Variants in KIF26B observed in about 807,000 individuals in gnomAD.
KIF26B encodes the protein kinesin-like protein KIF26B.
Under a neutral mutation model 151.2 loss-of-function variants are expected in KIF26B, and 63 were observed. That is an observed-to-expected ratio of 0.42 (90% CI 0.34 to 0.51). KIF26B has a LOEUF of 0.51. Among genes scored for constraint, KIF26B ranks in the 20% least tolerant of loss-of-function variants. KIF26B has a pLI of 0.07. For missense variants in KIF26B, 2,813 were observed against 2,913.6 expected (o/e 0.97, Z 0.79); for synonymous variants, 1,357 against 1,262.1 (o/e 1.08, Z -1.59).
chr1:245,385,012 C>G (rs1317555787), intron 3 of KIF26B, among the ~76,000 whole-genome samples: 1 of 152,130 alleles, frequency 6.6e-6, no homozygotes, highest in Non-Finnish European at 1.5e-5. Context: ...ACCTAATCAT[C>G]TAGCTTGTAA....
intron 4 of KIF26B, among the ~76,000 whole-genome samples, chr1:245,432,110 C>T (rs1027703695): frequency 2.0e-5 from 3 of 151,956 alleles, no homozygotes; most frequent in Admixed American, 6.6e-5. Flanking sequence ...ACAATAATCC[C>T]ACCTGTGCAC....
Position 245,540,985 on chromosome 1 carries a change from T to C in KIF26B, c.1350+35T>C, listed in dbSNP as rs755719067. ...TCCGCCGTCCCTGCCATTTGCCCAG[T>C]GTGCGAGGTTCTGGATCAAGTTTCA... On this transcript the variant is annotated intron_variant, in intron 5 of 14. Coordinates refer to ENST00000407071, the MANE Select transcript of KIF26B (RefSeq NM_018012.4). The surrounding 1 kb of genome is among the most constrained non-coding windows in gnomAD (Gnocchi z 4.6). 3 of 1,559,518 alleles carry C rather than the reference T, an allele frequency of 1.9e-6. No homozygotes were observed. The highest frequency in any genetic ancestry group is 2.4e-5 in the South Asian group (2 of 84,930).
At chr1:245,471,862 G>C (rs1021019551) in intron 4 of KIF26B, among the ~76,000 whole-genome samples, 2 of 151,616 alleles carry the variant, frequency 1.3e-5, no homozygotes, top group Admixed American at 6.6e-5. Context: ...CACGATCTCG[G>C]CTCACTGCAA....
intron 2 of KIF26B, among the ~76,000 whole-genome samples, chr1:245,267,325 T>C (rs957900570): frequency 6.6e-6 from 1 of 152,138 alleles, no homozygotes; most frequent in African/African-American, 2.4e-5. Flanking sequence ...AAAGGATGTG[T>C]TTTTTCTTTA....
At chr1:245,260,138 G>A (rs1322322494) in intron 2 of KIF26B, among the ~76,000 whole-genome samples, 2 of 152,026 alleles carry the variant, frequency 1.3e-5, no homozygotes, top group Non-Finnish European at 2.9e-5. Context: ...ACAGAACACT[G>A]GTGGAGTTGA....
At chr1:245,413,235 G>T (rs1245970920) in intron 3 of KIF26B, among the ~76,000 whole-genome samples, 1 of 152,204 alleles carries the variant, frequency 6.6e-6, no homozygotes, top group South Asian at 2.1e-4. Context: ...CACTAGCACT[G>T]TAGGGTTTTC....
intron 9 of KIF26B, among the ~76,000 whole-genome samples, chr1:245,640,576 T>C (rs931602591): frequency 1.3e-5 from 2 of 152,080 alleles, no homozygotes; most frequent in Non-Finnish European, 2.9e-5. Flanking sequence ...CTAGTTGTTA[T>C]ATAGTGTACC....
At chr1:245,162,127 C>A (rs567621255) in intron 2 of KIF26B, among the ~76,000 whole-genome samples, 1 of 152,198 alleles carries the variant, frequency 6.6e-6, no homozygotes, top group South Asian at 2.1e-4. Flanking sequence ...ATCGGCAGGG[C>A]GGCCAGACCT....
At chr1:245,454,831 T>G (rs1488903010) in intron 4 of KIF26B, among the ~76,000 whole-genome samples, 1 of 152,190 alleles carries the variant, frequency 6.6e-6, no homozygotes, top group East Asian at 1.9e-4. Context: ...GAACTCTCTT[T>G]AAATGAAAAT....
rs1233795342 is a variant in KIF26B, at chr1:245,600,838, C to T, written c.1351-1739C>T. Among the ~76,000 whole-genome samples, 4 of 152,200 alleles carry T rather than the reference C, an allele frequency of 2.6e-5. No homozygotes were observed. In the South Asian group the frequency reaches 6.2e-4, roughly 24 times the overall value. On this transcript the variant is annotated intron_variant, in intron 5 of 14. Coordinates refer to ENST00000407071, the MANE Select transcript of KIF26B (RefSeq NM_018012.4). ...CATATGACGGGCATTGTTATTCCTA[C>T]TGTACAGGTGAGGAAATGGGGGCTC...
At chr1:245,514,383 G>A (rs186322179) in intron 4 of KIF26B, among the ~76,000 whole-genome samples, 128 of 152,134 alleles carry the variant, frequency 8.4e-4, no homozygotes, top group Middle Eastern at 6.8e-3. Flanking sequence ...AAAAATGTTA[G>A]CCAGGCATGG....
intron 3 of KIF26B, among the ~76,000 whole-genome samples, chr1:245,395,203 G>A (rs1314547390): frequency 6.6e-6 from 1 of 152,200 alleles, no homozygotes; most frequent in African/African-American, 2.4e-5. Context: ...TTGAGTGCAT[G>A]TCGATGTTGA....
At position 245,544,876 on chromosome 1, in the gene KIF26B, C is replaced by T. The variant is rs544084999; in HGVS notation, c.1350+3926C>T. On this transcript the variant is annotated intron_variant, in intron 5 of 14. Transcript: ENST00000407071. ...TATCCCATCCCTTCCCTCCTTCCCA[C>T]TCCCTGCTGTTTCCAGCAACAATCC... 7.9e-5 allele frequency among the ~76,000 whole-genome samples: 12 copies of T among 152,314 alleles called. No individual in the cohort carries two copies. In the East Asian group the frequency reaches 2.3e-3, roughly 29 times the overall value.
At chr1:245,181,311 G>A (rs1470729580) in intron 2 of KIF26B, among the ~76,000 whole-genome samples, 1 of 152,102 alleles carries the variant, frequency 6.6e-6, no homozygotes, top group Non-Finnish European at 1.5e-5. Context: ...TGAGAAGGCG[G>A]CGTGTTCTGT....
chr1:245,397,449 C>T (rs1267940625), intron 3 of KIF26B, among the ~76,000 whole-genome samples: 4 of 152,142 alleles, frequency 2.6e-5, no homozygotes, highest in Non-Finnish European at 5.9e-5. Context: ...CTCCCGACCT[C>T]AGGTGATCCA....
At chr1:245,260,260 T>C (rs1438930233) in intron 2 of KIF26B, among the ~76,000 whole-genome samples, 1 of 152,212 alleles carries the variant, frequency 6.6e-6, no homozygotes, top group Non-Finnish European at 1.5e-5. Flanking sequence ...CTGGTTAATC[T>C]GTAAGTATGC....
chr1:245,631,945 T>C (rs964225390), intron 9 of KIF26B, among the ~76,000 whole-genome samples: 1 of 152,280 alleles, frequency 6.6e-6, no homozygotes, highest in Middle Eastern at 3.4e-3. Flanking sequence ...GGATCTTTTT[T>C]CTTGGTTAGT....
At chr1:245,491,689 A>G (rs746626051) in intron 4 of KIF26B, among the ~76,000 whole-genome samples, 3 of 152,124 alleles carry the variant, frequency 2.0e-5, no homozygotes, top group African/African-American at 2.4e-5. Flanking sequence ...GGGTGGATCA[A>G]CTGAGGTCAG....
rs1661037980 is a variant in KIF26B at position 245,519,412 on chromosome 1, G to A, written c.1167-21355G>A. On this transcript the variant is annotated intron_variant, in intron 4 of 14. Coordinates refer to ENST00000407071, the MANE Select transcript of KIF26B (RefSeq NM_018012.4). ...CTACTAAAAATACAAAAATTAGCCAGGTGTGATGGTGGGTGCCTGTAATTC... is the reference window on the plus strand; with the variant it reads ...CTACTAAAAATACAAAAATTAGCCAAGTGTGATGGTGGGTGCCTGTAATTC... 2.6e-5 allele frequency among the ~76,000 whole-genome samples: 4 copies of A among 152,020 alleles called. No individual in the cohort carries two copies. The South Asian group carries it at 8.3e-4, about 32-fold the overall frequency.
Sources: allele counts gnomAD v4.1 joint callset (sites outside exome capture counted in the v4.1 genomes callset), GRCh38; gene constraint gnomAD v4.1.1; non-coding constraint Gnocchi (gnomAD v3.1); transcripts MANE v1.5; gene names NCBI Gene and HGNC (gene_info 2026-07-23, HGNC 2026-07-21).